Variants in ZFHX3 observed in about 807,000 individuals in gnomAD.
ZFHX3 encodes zinc finger homeobox 3, also known as zinc finger homeobox protein 3.
In ZFHX3, 42 loss-of-function variants were observed where a neutral mutation model predicts 279.1. The observed-to-expected ratio is 0.15, with a 90% confidence interval of 0.12 to 0.19. The LOEUF (loss-of-function observed/expected upper bound fraction) is 0.19. Among genes scored for constraint, ZFHX3 ranks in the 10% least tolerant of loss-of-function variants. The probability of loss-of-function intolerance (pLI) is 1.00; values close to 1 mark genes in which losing one functional copy is unlikely to be tolerated. For missense variants in ZFHX3, 4,981 were observed against 4,754.0 expected, an observed-to-expected ratio of 1.05 and a Z score of -1.40; for synonymous variants, 2,293 against 1,957.8, an observed-to-expected ratio of 1.17 and a Z score of -4.52.
At chr16:73,464,189 T>G (rs1018412138) in intron 2 of ZFHX3, among the ~76,000 whole-genome samples, 6 of 151,536 alleles carry the variant, frequency 4.0e-5, no homozygotes, top group Non-Finnish European at 5.9e-5. Flanking sequence ...AGGGAATGAG[T>G]AAGTGGAAGA....
At chr16:73,874,940 A>G (rs2029900397) in intron 1 of ZFHX3, among the ~76,000 whole-genome samples, 3 of 152,218 alleles carry the variant, frequency 2.0e-5, no homozygotes, top group Non-Finnish European at 4.4e-5. Context: ...TGGGTATTTT[A>G]TATACATACA....
intron 2 of ZFHX3, among the ~76,000 whole-genome samples, chr16:73,673,119 A>T (rs1238242638): frequency 6.6e-6 from 1 of 152,170 alleles, no homozygotes; most frequent in African/African-American, 2.4e-5. Context: ...TTTAGTTCAA[A>T]TTAATATATT....
At chr16:73,377,688 G>GTTTT (rs113912311) in intron 3 of ZFHX3, among the ~76,000 whole-genome samples, 1 of 148,002 alleles carries the variant, frequency 6.8e-6, no homozygotes, top group Non-Finnish European at 1.5e-5. Flanking sequence ...ACTCCTTTGT[G>GTTTT]TTTTTTTTTT....
intron 1 of ZFHX3, among the ~76,000 whole-genome samples, chr16:73,036,713 G>A (rs1162960835): frequency 6.6e-6 from 1 of 151,912 alleles, no homozygotes; most frequent in African/African-American, 2.4e-5. Context: ...TCGGTCGGTC[G>A]CTAGGAGAAA....
intron 3 of ZFHX3, among the ~76,000 whole-genome samples, chr16:73,334,078 C>T (rs1275283685): frequency 6.6e-6 from 1 of 152,072 alleles, no homozygotes; most frequent in Non-Finnish European, 1.5e-5. Context: ...AAGGACATGG[C>T]TTATGTGCTG....
intron 2 of ZFHX3, among the ~76,000 whole-genome samples, chr16:73,482,498 C>T (rs2018887585): frequency 6.6e-6 from 1 of 152,136 alleles, no homozygotes; most frequent in Non-Finnish European, 1.5e-5. Flanking sequence ...CTGCACACAT[C>T]CAGACTCTCC....
At chr16:72,930,482 T>C (rs1959727454) in intron 3 of ZFHX3, among the ~76,000 whole-genome samples, 1 of 152,102 alleles carries the variant, frequency 6.6e-6, no homozygotes, top group Admixed American at 6.5e-5. Context: ...CAGACAGATT[T>C]TATAAGTGCA....
chr16:73,629,923 C>G (rs903541553), intron 2 of ZFHX3, among the ~76,000 whole-genome samples: 3 of 152,106 alleles, frequency 2.0e-5, no homozygotes, highest in Non-Finnish European at 4.4e-5. Flanking sequence ...GAGAATGGTG[C>G]AGATTTAAGC....
intron 4 of ZFHX3, among the ~76,000 whole-genome samples, chr16:73,286,824 TCGGTGTGTGGC>T (rs2014615465): frequency 7.3e-6 from 1 of 137,634 alleles, no homozygotes; most frequent in Non-Finnish European, 1.6e-5. Context: ...GCTGTGTGGG[TCGGTGTGTGGC>T]TGGTGAGTCG....
chr16:73,197,924 G>GTTTTTTTTTTTTTTTTTTTTT lies in ZFHX3; in HGVS notation c.-1103-54114_-1103-54094dup, dbSNP rs71156148. Reference sequence around the variant, plus strand: ...GATAAGTAGAGTATCTGATTTGGTGGTTTTTTTTTTTTTTTTTTTTTTTTT... The same window carrying GTTTTTTTTTTTTTTTTTTTTT: ...GATAAGTAGAGTATCTGATTTGGTGGTTTTTTTTTTTTTTTTTTTTTTTTTTTTTTTTTTTTTTTTTTTTTT... On this transcript the variant is annotated intron_variant, in intron 5 of 17. Transcript: ENST00000641206. Among the ~76,000 whole-genome samples the GTTTTTTTTTTTTTTTTTTTTT allele has an allele frequency of 3.7e-5, 2 of 53,782 alleles. 1 individual carries two copies. The highest frequency in any genetic ancestry group is 6.7e-5 in the Non-Finnish European group (2 of 29,966). The allele number at this position is 53,782 out of a possible 152,430, so 35.3% of individuals were successfully genotyped here. A position where few individuals can be genotyped will look rare whatever the true frequency, so the allele number is the denominator to read the frequency against.
At chr16:73,782,280 T>A (rs1959497525) in intron 1 of ZFHX3, among the ~76,000 whole-genome samples, 1 of 152,242 alleles carries the variant, frequency 6.6e-6, no homozygotes, top group Admixed American at 6.5e-5. Context: ...CATTAGGTAG[T>A]GACCTACAAG....
At position 73,788,259 on chromosome 16, in the gene ZFHX3, C is replaced by G. The variant is rs551810772; in HGVS notation, c.-1608+103392G>C. Among the ~76,000 whole-genome samples, 13 of 152,280 alleles carry G rather than the reference C, an allele frequency of 8.5e-5. 1 individual carries two copies. Among genetic ancestry groups the G allele is most frequent in the Admixed American group, 2.6e-4 (4 of 15,290 alleles). On this transcript the variant is annotated intron_variant, in intron 1 of 17. Coordinates refer to the ZFHX3 transcript ENST00000641206. ...CTGCCTTCCATTCTTCTGCTGAGCA[C>G]TCTTATTGGACAAACCAAAGTAGAA... is the stretch of plus-strand genomic sequence containing the variant.
intron 3 of ZFHX3, among the ~76,000 whole-genome samples, chr16:73,435,291 C>T (rs949520109): frequency 1.3e-5 from 2 of 152,088 alleles, no homozygotes; most frequent in African/African-American, 4.8e-5. Flanking sequence ...TCACTGCAAC[C>T]TCCACCTCCC....
rs948571125 is a variant in ZFHX3 at position 73,407,809 on chromosome 16, G to C, written c.-1291+48194C>G. 3.3e-5 allele frequency among the ~76,000 whole-genome samples: 5 copies of C among 152,250 alleles called. No individual in the cohort carries two copies. The East Asian group carries it at 5.8e-4, about 18-fold the overall frequency. ...GCAGCAAGTTCTGTAGGTTTGGCCA[G>C]ATCTTCCTTTTCAAAGACAGACAGC... is the stretch of plus-strand genomic sequence containing the variant. On this transcript the variant is annotated intron_variant, in intron 3 of 17. Transcript: ENST00000641206.
At chr16:72,916,824 T>C (rs915191737) in intron 3 of ZFHX3, among the ~76,000 whole-genome samples, 3 of 152,110 alleles carry the variant, frequency 2.0e-5, no homozygotes, top group Admixed American at 6.5e-5. Context: ...TCTCACAGTA[T>C]ATACCAAAAT....
intron 3 of ZFHX3, among the ~76,000 whole-genome samples, chr16:73,438,127 C>A (rs2018027474): frequency 6.6e-6 from 1 of 152,068 alleles, no homozygotes. Flanking sequence ...ATGTCCAAGG[C>A]AGAGGAATGT....
chr16:72,811,850 T>G (rs9972835), intron 6 of ZFHX3, 55 bp downstream of exon 6: 34,485 of 1,218,520 alleles, frequency 0.028, 449 homozygotes, highest in Non-Finnish European at 0.034. Flanking sequence ...GTTTGTTCCC[T>G]ACCAATGTCT....
chr16:73,702,867 T>C (rs2053263530), intron 1 of ZFHX3, among the ~76,000 whole-genome samples: 1 of 151,218 alleles, frequency 6.6e-6, no homozygotes, highest in African/African-American at 2.4e-5. Flanking sequence ...ATAAAGAGAG[T>C]CCCCTTTCAC....
intron 5 of ZFHX3, among the ~76,000 whole-genome samples, chr16:73,202,045 T>G (rs575391877): frequency 6.6e-6 from 1 of 151,962 alleles, no homozygotes; most frequent in Admixed American, 6.6e-5. Context: ...GGAAGAACAT[T>G]TTTTTTTAAC....
Sources: gnomAD v4.1 joint callset for allele counts (sites outside exome capture counted in the v4.1 genomes callset) on GRCh38, gnomAD v4.1.1 for gene constraint, MANE v1.5 for transcripts, NCBI Gene and HGNC (gene_info 2026-07-23, HGNC 2026-07-21) for gene names.